Variants in AGBL4 observed in about 807,000 individuals in gnomAD.
AGBL4 encodes AGBL carboxypeptidase 4.
Under a neutral mutation model 66.4 loss-of-function variants are expected in AGBL4, and 58 were observed. The ratio of observed to expected loss-of-function variants is 0.87; its 90% CI spans 0.71 to 1.09. The LOEUF (loss-of-function observed/expected upper bound fraction) is 1.09. Ranked by LOEUF, AGBL4 falls within the 50% of genes least tolerant of loss-of-function variation. The probability of loss-of-function intolerance (pLI) is 0.00; values close to 1 mark genes in which losing one functional copy is unlikely to be tolerated. For missense variants in AGBL4, 579 were observed against 631.0 expected, an observed-to-expected ratio of 0.92 and a Z score of 0.88; for synonymous variants, 234 against 222.9, an observed-to-expected ratio of 1.05 and a Z score of -0.44.
intron 4 of AGBL4, among the ~76,000 whole-genome samples, chr1:49,182,134 C>T (rs1646940825): frequency 6.6e-6 from 1 of 152,134 alleles, no homozygotes; most frequent in African/African-American, 2.4e-5. Context: ...ACTGGAATCC[C>T]ACCCTAAGTG....
At chr1:49,261,123 A>G (rs915744787) in intron 3 of AGBL4, among the ~76,000 whole-genome samples, 10 of 152,222 alleles carry the variant, frequency 6.6e-5, no homozygotes, top group African/African-American at 2.4e-4. Flanking sequence ...TCATGCTAAA[A>G]ACTCTCAATA....
intron 1 of AGBL4, among the ~76,000 whole-genome samples, chr1:49,878,401 C>T (rs1216473004): frequency 6.6e-6 from 1 of 150,532 alleles, no homozygotes; most frequent in Non-Finnish European, 1.5e-5. Flanking sequence ...TTATTTCTGC[C>T]TTCATTTCGT....
At chr1:49,600,962 A>C (rs902966013) in intron 3 of AGBL4, among the ~76,000 whole-genome samples, 1 of 152,130 alleles carries the variant, frequency 6.6e-6, no homozygotes, top group African/African-American at 2.4e-5. Context: ...TTGGGCCCCC[A>C]CTTTCTTGGC....
intron 1 of AGBL4, among the ~76,000 whole-genome samples, chr1:49,851,959 A>G (rs1184862146): frequency 6.6e-6 from 1 of 152,220 alleles, no homozygotes; most frequent in Non-Finnish European, 1.5e-5. Context: ...TGAATAAAGC[A>G]GTCATTCTAT....
intron 6 of AGBL4, among the ~76,000 whole-genome samples, chr1:48,735,859 CT>C (rs1416018779): frequency 6.6e-6 from 1 of 152,080 alleles, no homozygotes; most frequent in Non-Finnish European, 1.5e-5. Flanking sequence ...AGAGCAATAC[CT>C]CACCATACAC....
intron 3 of AGBL4, among the ~76,000 whole-genome samples, chr1:49,361,652 AT>A (rs1164468484): frequency 6.6e-6 from 1 of 152,190 alleles, no homozygotes; most frequent in Admixed American, 6.5e-5. Flanking sequence ...TACTTTTTAG[AT>A]TATAAAGCAC....
intron 3 of AGBL4, among the ~76,000 whole-genome samples, chr1:49,509,428 T>A (rs1337317931): frequency 7.9e-5 from 12 of 152,022 alleles, no homozygotes; most frequent in Admixed American, 1.3e-4. Context: ...AGGTAAATAA[T>A]CTTGCCAAAT....
chr1:49,034,802 G>T (rs1028290809), intron 5 of AGBL4, among the ~76,000 whole-genome samples: 1 of 152,016 alleles, frequency 6.6e-6, no homozygotes, highest in African/African-American at 2.4e-5. Context: ...AGGCCTACCA[G>T]TCATGCTGAA....
chr1:49,063,198 C>G (rs2147915707), intron 4 of AGBL4, among the ~76,000 whole-genome samples: 1 of 152,134 alleles, frequency 6.6e-6, no homozygotes, highest in African/African-American at 2.4e-5. Context: ...GTCTATTAAC[C>G]CTTTATGCTG....
chr1:49,172,256 C>A (rs1278041022), intron 4 of AGBL4, among the ~76,000 whole-genome samples: 1 of 152,154 alleles, frequency 6.6e-6, no homozygotes, highest in Non-Finnish European at 1.5e-5. Context: ...ATTACATTGA[C>A]CCTGTCTTCA....
chr1:50,011,676 A>C, intron 1 of AGBL4, among the ~76,000 whole-genome samples: 1 of 152,232 alleles, frequency 6.6e-6, no homozygotes. Flanking sequence ...TGTGGTACAT[A>C]CACACAATGG....
At chr1:49,723,341 C>T (rs1020632510) in intron 2 of AGBL4, among the ~76,000 whole-genome samples, 16 of 152,080 alleles carry the variant, frequency 1.1e-4, no homozygotes, top group African/African-American at 2.4e-4. Flanking sequence ...TTGCTTCTAA[C>T]GCCAGCAAGC....
chr1:49,939,277 C>G (rs1477428279), intron 1 of AGBL4, among the ~76,000 whole-genome samples: 1 of 149,808 alleles, frequency 6.7e-6, no homozygotes, highest in Non-Finnish European at 1.5e-5. Flanking sequence ...GCCATACTGC[C>G]CAAGGTAATT....
At chr1:48,659,414 T>C (rs1394274904) in intron 7 of AGBL4, among the ~76,000 whole-genome samples, 1 of 152,182 alleles carries the variant, frequency 6.6e-6, no homozygotes, top group African/African-American at 2.4e-5. Context: ...CTTCAGAGCA[T>C]GGCATGGCTC....
At chr1:49,352,407 C>T (rs1334075589) in intron 3 of AGBL4, among the ~76,000 whole-genome samples, 4 of 117,012 alleles carry the variant, frequency 3.4e-5, no homozygotes, top group Non-Finnish European at 4.9e-5. Context: ...GGAACTACTA[C>T]TAGGATCAGC....
intron 5 of AGBL4, among the ~76,000 whole-genome samples, chr1:48,979,571 G>T (rs533651530): frequency 6.6e-6 from 1 of 152,104 alleles, no homozygotes; most frequent in South Asian, 2.1e-4. Flanking sequence ...GTGGGAAAAA[G>T]GGAAGCAGGA....
chr1:49,719,867 C>G (rs1648460724), intron 2 of AGBL4, among the ~76,000 whole-genome samples: 1 of 152,146 alleles, frequency 6.6e-6, no homozygotes, highest in South Asian at 2.1e-4. Context: ...TTTTGCTCAG[C>G]ATTTCTCCTT....
rs149176323 is a variant in AGBL4 at position 49,035,410 on chromosome 1, C to T, written c.594+10174G>A. Among the ~76,000 whole-genome samples the T allele has an allele frequency of 8.4e-4, 128 of 152,246 alleles. 2 individuals are homozygous for T. The East Asian group carries it at 0.023, about 27-fold the overall frequency. ...GGAATGAAAGGAAGAAAAGAAAGTA[C>T]ACTTGGAGGAGCCAAGAGGGTGACT... is the stretch of plus-strand genomic sequence containing the variant. On this transcript the variant is annotated intron_variant, in intron 5 of 13. Transcript: ENST00000371839.
intron 4 of AGBL4, among the ~76,000 whole-genome samples, chr1:49,194,679 C>T (rs1323527318): frequency 6.6e-6 from 1 of 151,970 alleles, no homozygotes; most frequent in Non-Finnish European, 1.5e-5. Flanking sequence ...TCCCCACAGC[C>T]AAGTTAGAGA....
Sources: gnomAD v4.1 joint callset for allele counts (sites outside exome capture counted in the v4.1 genomes callset) on GRCh38, gnomAD v4.1.1 for gene constraint, MANE v1.5 for transcripts, NCBI Gene and HGNC (gene_info 2026-07-23, HGNC 2026-07-21) for gene names.